Variants in DEAF1 observed in about 807,000 individuals in gnomAD.
DEAF1 encodes the protein DEAF1 transcription factor.
In DEAF1, 53 loss-of-function variants were observed where a neutral mutation model predicts 58.9. That is an observed-to-expected ratio of 0.90 (90% CI 0.72 to 1.13). DEAF1 has a LOEUF of 1.13. Ranked by LOEUF, DEAF1 falls within the 50% of genes most tolerant of loss-of-function variation. DEAF1 has a pLI of 0.00. For missense variants in DEAF1, 685 were observed against 791.4 expected, an observed-to-expected ratio of 0.87 and a Z score of 1.61; for synonymous variants, 385 against 340.4, an observed-to-expected ratio of 1.13 and a Z score of -1.44.
chr11:651,257 G>T, intron 11 of DEAF1: 1 of 189,368 alleles, frequency 5.3e-6, no homozygotes, highest in Non-Finnish European at 1.1e-5. Flanking sequence ...ACTGTGCCCA[G>T]CTAGAAAAAG....
chr11:684,123 C>CT (rs34831036), intron 6 of DEAF1, among the ~76,000 whole-genome samples: 96,908 of 143,790 alleles, frequency 0.67, 32,731 homozygotes, highest in East Asian at 0.91. Flanking sequence ...TCTCCATGCT[C>CT]TTTTTTTTTT....
chr11:680,825 T>C (rs1860327026), intron 7 of DEAF1, 138 bp downstream of exon 7: 1 of 1,277,652 alleles, frequency 7.8e-7, no homozygotes, highest in African/African-American at 1.5e-5. Flanking sequence ...CAAAGGAGTG[T>C]GATGGCGTTG....
intron 11 of DEAF1, among the ~76,000 whole-genome samples, chr11:650,896 G>C (rs1248317468): frequency 6.6e-6 from 1 of 152,098 alleles, no homozygotes; most frequent in Non-Finnish European, 1.5e-5. Flanking sequence ...GTGAGACTCT[G>C]TCTCAAAAGT....
chr11:704,604 GA>G (rs35782494), intron 1 of DEAF1: 554,677 of 1,287,762 alleles, frequency 0.43, 123,427 homozygotes, highest in South Asian at 0.5. Context: ...ACCAGGGAAG[GA>G]CCCCCTCCCT....
intron 11 of DEAF1, among the ~76,000 whole-genome samples, chr11:649,715 G>T (rs931943266): frequency 6.6e-6 from 1 of 150,862 alleles, no homozygotes; most frequent in East Asian, 2.0e-4. Context: ...GTGATACTCT[G>T]TCTCAATTCA....
chr11:700,001 G>A (rs911536541), upstream of DEAF1: 3 of 642,294 alleles, frequency 4.7e-6, no homozygotes, highest in Non-Finnish European at 8.2e-6. Context: ...CCTCAGATAG[G>A]CAGTGAGCCA....
At chr11:701,091 A>G in intron 1 of DEAF1, 1 of 244,098 alleles carries the variant, frequency 4.1e-6, no homozygotes, top group African/African-American at 2.2e-5. Flanking sequence ...GAGTTCTGCC[A>G]GGTCCCAAAA....
At chr11:686,725 C>G in intron 5 of DEAF1, 133 bp downstream of exon 5, 1 of 1,232,280 alleles carries the variant, frequency 8.1e-7, no homozygotes, top group Non-Finnish European at 1.2e-6. Context: ...CCCAAGGCCA[C>G]ACAGACAGCA....
chr11:671,521 G>GAA (rs1431369623), intron 10 of DEAF1, among the ~76,000 whole-genome samples: 4 of 151,594 alleles, frequency 2.6e-5, no homozygotes, highest in Non-Finnish European at 5.9e-5. Flanking sequence ...TGTGCCCAGT[G>GAA]AAAAAGTATT....
At chr11:656,158 C>CT (rs1554936925) in intron 10 of DEAF1, among the ~76,000 whole-genome samples, 203 of 124,262 alleles carry the variant, frequency 1.6e-3, no homozygotes, top group South Asian at 6.3e-3. Flanking sequence ...AAATGACAAA[C>CT]TTTTTTTTTT....
intron 1 of DEAF1, among the ~76,000 whole-genome samples, chr11:693,041 G>C (rs7481774): frequency 0.082 from 12,546 of 152,246 alleles, 626 homozygotes; most frequent in Admixed American, 0.18. Flanking sequence ...GCGGCAGCGT[G>C]TCCTGCTGAG....
intron 5 of DEAF1, among the ~76,000 whole-genome samples, chr11:686,075 G>T: frequency 6.6e-6 from 1 of 150,868 alleles, no homozygotes; most frequent in East Asian, 2.0e-4. Flanking sequence ...CTGAGGTCAG[G>T]ACTTCAAGAC....
intron 1 of DEAF1, among the ~76,000 whole-genome samples, chr11:702,704 T>C (rs1861551341): frequency 6.6e-6 from 1 of 152,176 alleles, no homozygotes; most frequent in Non-Finnish European, 1.5e-5. Flanking sequence ...CAGAGACAGA[T>C]CAAACCATGC....
Position 694,803 on chromosome 11 carries a change from G to T in DEAF1, c.245C>A (p.Ala82Asp). 7.1e-7 allele frequency: 1 copy of T among 1,406,736 alleles called. No homozygotes were observed. The highest frequency in any genetic ancestry group is 9.2e-7 in the Non-Finnish European group (1 of 1,081,306). 87.1% of individuals were successfully genotyped at this position (1,406,736 alleles called of 1,614,324 possible). A position where few individuals can be genotyped will look rare whatever the true frequency, so the allele number is the denominator to read the frequency against. The change falls in exon 1 of 12, where the codon GCC (alanine) becomes GAC (aspartate). Residue 82 changes from alanine to aspartate, a missense_variant. Ala to Asp is a moderately radical substitution (Grantham distance 126, BLOSUM62 -2). Around this residue, in one of 3 missense-constraint regions of DEAF1, gnomAD observed 210 missense variants for 177.3 expected, o/e 1.18. Coordinates refer to ENST00000382409, the MANE Select transcript of DEAF1 (RefSeq NM_021008.4). ...GGCGGCCTCGTCGGGGCCGGGCAGGGCCTCGGCGCCCATGTCCATGTGCCC... is the reference window on the plus strand; with the variant it reads ...GGCGGCCTCGTCGGGGCCGGGCAGGTCCTCGGCGCCCATGTCCATGTGCCC... ...EPGHMDMGAE[A>D]LPGPDEAAAA...
At chr11:702,858 GT>G in intron 1 of DEAF1, 1 of 1,333,676 alleles carries the variant, frequency 7.5e-7, no homozygotes, top group South Asian at 1.4e-5. Context: ...AGCTGCTCTG[GT>G]CCCAGCAGCC....
chr11:706,524 G>A, intron 1 of DEAF1: 1 of 152,688 alleles, frequency 6.5e-6, no homozygotes, highest in Non-Finnish European at 1.5e-5. Context: ...GGTCCTGGGC[G>A]GCGGCCGGCG....
upstream of DEAF1, chr11:695,552 C>T: frequency 8.3e-7 from 1 of 1,206,754 alleles, no homozygotes; most frequent in Non-Finnish European, 1.0e-6. Context: ...CCGCCGCCGG[C>T]GGAAGCCGAG....
chr11:655,927 G>C (rs1169573295), intron 10 of DEAF1, among the ~76,000 whole-genome samples: 2 of 151,934 alleles, frequency 1.3e-5, no homozygotes, highest in Non-Finnish European at 2.9e-5. Flanking sequence ...CCACCTCCTG[G>C]GTTTAAGTGA....
rs529003016 is a variant in DEAF1, at chr11:678,514, G to C, written c.1255+180C>G. On this transcript the variant is annotated intron_variant, in intron 9 of 11. Coordinates refer to ENST00000382409, the MANE Select transcript of DEAF1 (RefSeq NM_021008.4). ...CACACATGAATGGACGTGGCTGTGT[G>C]TCAGTAAAACTTTATTTACAAACAT... is the stretch of plus-strand genomic sequence containing the variant. 5.7e-6 allele frequency: 5 copies of C among 884,476 alleles called. No individual in the cohort carries two copies. The Admixed American group carries it at 9.5e-5, about 17-fold the overall frequency. 54.8% of individuals were successfully genotyped at this position (884,476 alleles called of 1,614,324 possible).
Sources: gnomAD v4.1 joint callset for allele counts (sites outside exome capture counted in the v4.1 genomes callset) on GRCh38, gnomAD v4.1.1 for gene constraint, gnomAD v4.1.1 regional missense constraint, MANE v1.5 for transcripts, NCBI Gene and HGNC (gene_info 2026-07-23, HGNC 2026-07-21) for gene names.